The following CSE1L variants were observed in gnomAD, a reference collection of about 807,000 sequenced individuals.
The protein encoded by CSE1L is chromosome segregation 1 like.
In CSE1L, 24 loss-of-function variants were observed where a neutral mutation model predicts 120.4. The ratio of observed to expected loss-of-function variants is 0.20; its 90% CI spans 0.14 to 0.28. The LOEUF is 0.28. CSE1L is among the 10% of genes least tolerant of loss of function. The probability of loss-of-function intolerance (pLI) is 1.00; values close to 1 mark genes in which losing one functional copy is unlikely to be tolerated. For missense variants in CSE1L, 830 were observed against 1,145.2 expected (o/e 0.72, Z 3.97); for synonymous variants, 402 against 398.3 (o/e 1.01, Z -0.11).
intron 13 of CSE1L, 73 bp downstream of exon 13, chr20:49,077,137 C>T (rs2091974801): frequency 1.7e-5 from 13 of 770,166 alleles, no homozygotes; most frequent in Non-Finnish European, 2.4e-5. Context: ...GCTTCCTATC[C>T]TTGTTCCCTT....
At chr20:49,075,259 G>T (rs531661290) in intron 11 of CSE1L, 59 bp from the exon 12 acceptor site, 2 of 1,327,122 alleles carry the variant, frequency 1.5e-6, no homozygotes, top group Admixed American at 3.9e-5. Context: ...TTATAAATTG[G>T]ATCAGCTTGT....
chr20:49,094,116 A>G, intron 22 of CSE1L, 24 bp from the exon 23 acceptor site: 1 of 1,359,736 alleles, frequency 7.4e-7, no homozygotes, highest in Non-Finnish European at 1.0e-6. Flanking sequence ...TCTAATATTA[A>G]GTTGATTTAT....
In CSE1L at chr20:49,075,863, C is replaced by T. The variant is rs150402630; in HGVS notation, c.1335+343C>T. 9.9e-5 allele frequency among the ~76,000 whole-genome samples: 15 copies of T among 152,256 alleles called. No individual in the cohort carries two copies. The East Asian group carries it at 2.9e-3, about 29-fold the overall frequency. ...TTTTTATATTTTTGAGATGGAGTCT[C>T]ACTTTGTCACCAGGCTGGAGTGCAA... is the stretch of plus-strand genomic sequence containing the variant. On this transcript the variant is annotated intron_variant, in intron 12 of 24. Coordinates refer to ENST00000262982, the MANE Select transcript of CSE1L (RefSeq NM_001316.4).
chr20:49,051,645 A>T (rs2091767195), intron 1 of CSE1L, among the ~76,000 whole-genome samples: 1 of 152,262 alleles, frequency 6.6e-6, no homozygotes, highest in Non-Finnish European at 1.5e-5. Context: ...GTAAGTACAG[A>T]ACCCTGAAAC....
chr20:49,090,856 CTT>C lies in CSE1L; in HGVS notation c.2279+19_2279+20del. 1 of 1,606,518 alleles carries C rather than the reference CTT, an allele frequency of 6.2e-7. No homozygotes were observed. Among genetic ancestry groups the C allele is most frequent in the Non-Finnish European group, 8.5e-7 (1 of 1,175,460 alleles). ...CATGCCTCCGTGAGTATGACTAGAA[CTT>C]TGTGCATTTATTTAGAAATTTTGTT... On this transcript the variant is annotated intron_variant, in intron 20 of 24. Coordinates refer to ENST00000262982, the MANE Select transcript of CSE1L (RefSeq NM_001316.4).
At chr20:49,086,806 G>A (rs1463624918) in intron 16 of CSE1L, among the ~76,000 whole-genome samples, 1 of 152,208 alleles carries the variant, frequency 6.6e-6, no homozygotes, top group African/African-American at 2.4e-5. Context: ...CCAGCCTAGT[G>A]GAGGAGCACC....
intron 3 of CSE1L, among the ~76,000 whole-genome samples, chr20:49,065,029 T>C (rs1221985394): frequency 6.6e-6 from 1 of 151,226 alleles, no homozygotes; most frequent in Non-Finnish European, 1.5e-5. Context: ...TGGTCGTGTG[T>C]GGTGTGCATC....
chr20:49,054,220 T>C (rs1319301285), intron 1 of CSE1L, among the ~76,000 whole-genome samples: 1 of 152,236 alleles, frequency 6.6e-6, no homozygotes, highest in Non-Finnish European at 1.5e-5. Context: ...TAGCTTCCTG[T>C]GATAAACACA....
chr20:49,054,170 A>C (rs555994964), intron 1 of CSE1L, among the ~76,000 whole-genome samples: 1 of 152,150 alleles, frequency 6.6e-6, no homozygotes, highest in Non-Finnish European at 1.5e-5. Context: ...GATTAGAGGG[A>C]GTGATTAGGT....
chr20:49,083,991 T>C lies in CSE1L; in HGVS notation c.1483-35T>C, dbSNP rs200631408. 427 of 1,585,864 alleles carry C rather than the reference T, an allele frequency of 2.7e-4. 2 individuals are homozygous for C. In the African/African-American group the frequency reaches 5.2e-3, roughly 19 times the overall value. On this transcript the variant is annotated intron_variant, in intron 14 of 24. Transcript: ENST00000262982. ...GTCTTTTACTCAAATATGGAATCATTGCATTTAGAGCATGTATATTATTGT... is the reference window on the plus strand; with the variant it reads ...GTCTTTTACTCAAATATGGAATCATCGCATTTAGAGCATGTATATTATTGT...
intron 2 of CSE1L, 34 bp from the exon 3 acceptor site, chr20:49,063,168 A>G (rs1424884491): frequency 2.1e-6 from 3 of 1,425,258 alleles, no homozygotes; most frequent in African/African-American, 1.5e-5. Context: ...AAAGATTTTT[A>G]TCTTAGTCTT....
chr20:49,079,076 A>T (rs1264559311), intron 14 of CSE1L, among the ~76,000 whole-genome samples: 1 of 152,072 alleles, frequency 6.6e-6, no homozygotes, highest in Non-Finnish European at 1.5e-5. Flanking sequence ...TATTTTCAGT[A>T]GATCCGGGGT....
At chr20:49,068,969 TCTAC>T in intron 7 of CSE1L, 147 bp downstream of exon 7, 1 of 609,368 alleles carries the variant, frequency 1.6e-6, no homozygotes, top group Non-Finnish European at 2.9e-6. Flanking sequence ...AGTGTTCTGT[TCTAC>T]AGTAGTTCTT....
intron 14 of CSE1L, among the ~76,000 whole-genome samples, chr20:49,081,402 A>G (rs2426122): frequency 0.36 from 54,887 of 152,030 alleles, 10,728 homozygotes; most frequent in African/African-American, 0.53. Context: ...TCCCACTTTC[A>G]GCCTCCCGAG....
intron 23 of CSE1L, 85 bp downstream of exon 23, chr20:49,094,371 G>C: frequency 4.6e-6 from 6 of 1,297,050 alleles, no homozygotes; most frequent in South Asian, 1.3e-5. Flanking sequence ...TCTCTTGGGG[G>C]CCAAGAGAAT....
chr20:49,096,324 AGT>A (rs752926229), intron 24 of CSE1L, 23 bp from the exon 25 acceptor site: 6 of 1,580,468 alleles, frequency 3.8e-6, no homozygotes, highest in East Asian at 4.5e-5. Flanking sequence ...TCCAACAGCC[AGT>A]GTGTGTTTCC....
At chr20:49,057,820 C>T (rs575943053) in intron 1 of CSE1L, among the ~76,000 whole-genome samples, 141 of 152,146 alleles carry the variant, frequency 9.3e-4, no homozygotes, top group Non-Finnish European at 1.6e-3. Flanking sequence ...TTAGTAGAGA[C>T]GGGATTTTAC....
intron 10 of CSE1L, among the ~76,000 whole-genome samples, chr20:49,073,612 A>G (rs2091947938): frequency 6.6e-6 from 1 of 152,034 alleles, no homozygotes; most frequent in Admixed American, 6.6e-5. Flanking sequence ...TGGCCTCCTG[A>G]GTAGCTGGGA....
chr20:49,083,040 T>C (rs1223557498), intron 14 of CSE1L, among the ~76,000 whole-genome samples: 1 of 151,930 alleles, frequency 6.6e-6, no homozygotes, highest in Non-Finnish European at 1.5e-5. Flanking sequence ...CTTTTTTTTT[T>C]CTGAGATGGA....
Sources: gnomAD v4.1 joint callset for allele counts (sites outside exome capture counted in the v4.1 genomes callset) on GRCh38, gnomAD v4.1.1 for gene constraint, MANE v1.5 for transcripts, NCBI Gene and HGNC (gene_info 2026-07-23, HGNC 2026-07-21) for gene names.